Variants in DDX6 observed in about 807,000 individuals in gnomAD.
The protein encoded by DDX6 is DEAD-box helicase 6, also known as probable ATP-dependent RNA helicase DDX6.
A neutral mutation model predicts 60.6 loss-of-function variants in DDX6; 7 were observed. That is an observed-to-expected ratio of 0.12 (90% CI 0.07 to 0.22). The LOEUF (loss-of-function observed/expected upper bound fraction) is 0.22, where lower values mean the gene tolerates loss of function less well. Among genes scored for constraint, DDX6 ranks in the 10% least tolerant of loss-of-function variants. The pLI is 1.00. For synonymous variants in DDX6, 207 were observed against 201.0 expected, an observed-to-expected ratio of 1.03 and a Z score of -0.25; for missense variants, 270 against 589.9, an observed-to-expected ratio of 0.46 and a Z score of 5.62.
chr11:118,754,968 CCA>C, intron 12 of DDX6, 81 bp from the exon 13 acceptor site: 3 of 1,217,320 alleles, frequency 2.5e-6, no homozygotes, highest in Non-Finnish European at 3.4e-6. Context: ...AGTGGCAAAA[CCA>C]CACAGGATTG....
At chr11:118,784,522 G>A (rs148460605) in intron 2 of DDX6, among the ~76,000 whole-genome samples, 1 of 149,858 alleles carries the variant, frequency 6.7e-6, no homozygotes, top group Non-Finnish European at 1.5e-5. Flanking sequence ...GCAGTGACAC[G>A]ATCTTGGCTC....
intron 2 of DDX6, among the ~76,000 whole-genome samples, chr11:118,783,809 T>A (rs1209647150): frequency 2.2e-4 from 1 of 4,488 alleles, no homozygotes; most frequent in Non-Finnish European, 5.8e-4. Context: ...AGAGTCCATC[T>A]CAAAAAAAAA....
Position 118,750,156 on chromosome 11 carries a change from AATATG to A in DDX6, c.*1944_*1948del, listed in dbSNP as rs1297638480. ...AATATTTTAGGGTTTTGAAAAATAA[AATATG>A]GAAATCAATTTTTTTTAATTTTGTT... On this transcript the variant is annotated 3_prime_UTR_variant, in exon 14 of 14. Coordinates refer to ENST00000534980, the MANE Select transcript of DDX6 (RefSeq NM_004397.6). 2 of 147,786 alleles carry A rather than the reference AATATG, an allele frequency of 1.4e-5. No individual in the cohort carries two copies. The highest frequency in any genetic ancestry group is 5.0e-5 in the African/African-American group (2 of 40,196). The allele number at this position is 147,786 out of a possible 1,614,324, so 9.2% of individuals were successfully genotyped here. A position where few individuals can be genotyped will look rare whatever the true frequency, so the allele number is the denominator to read the frequency against.
intron 2 of DDX6, among the ~76,000 whole-genome samples, chr11:118,784,156 G>A (rs531066653): frequency 2.3e-4 from 35 of 151,068 alleles, no homozygotes; most frequent in African/African-American, 8.5e-4. Flanking sequence ...CTTACATTCT[G>A]CCAAGACAAA....
At chr11:118,789,365 A>AGC (rs1423133170) in intron 1 of DDX6, 3 of 152,260 alleles carry the variant, frequency 2.0e-5, no homozygotes, top group Non-Finnish European at 2.9e-5. Context: ...GGTGTGAGCC[A>AGC]CCGCTCCCAG....
intron 7 of DDX6, among the ~76,000 whole-genome samples, chr11:118,760,823 C>CAAA (rs544626778): frequency 5.3e-5 from 3 of 56,508 alleles, no homozygotes; most frequent in Non-Finnish European, 6.6e-5. Flanking sequence ...TACTCCGTCT[C>CAAA]AAAAAAAAAA....
At chr11:118,784,319 A>G (rs887000767) in intron 2 of DDX6, among the ~76,000 whole-genome samples, 31 of 152,146 alleles carry the variant, frequency 2.0e-4, no homozygotes, top group Admixed American at 1.2e-3. Flanking sequence ...CGGTAACTAT[A>G]TGACAGTCTG....
intron 13 of DDX6, among the ~76,000 whole-genome samples, chr11:118,752,958 C>G (rs1860828524): frequency 6.6e-6 from 1 of 151,988 alleles, no homozygotes; most frequent in African/African-American, 2.4e-5. Flanking sequence ...GACAGGTTGT[C>G]CAGGAAATCA....
At chr11:118,776,709 T>G (rs1374342488) in intron 4 of DDX6, among the ~76,000 whole-genome samples, 1 of 151,872 alleles carries the variant, frequency 6.6e-6, no homozygotes, top group Non-Finnish European at 1.5e-5. Context: ...GGTGCACGCC[T>G]GTAGTCCCCG....
At chr11:118,757,068 G>C (rs782195996) in intron 10 of DDX6, 103 bp downstream of exon 10, 7 of 609,302 alleles carry the variant, frequency 1.1e-5, no homozygotes, top group Non-Finnish European at 1.8e-5. Flanking sequence ...TGGCTACTAA[G>C]GAACAGTTTA....
intron 4 of DDX6, among the ~76,000 whole-genome samples, chr11:118,769,806 G>A (rs1439029008): frequency 1.3e-5 from 2 of 151,988 alleles, no homozygotes; most frequent in East Asian, 1.9e-4. Context: ...CCGGGTTCAC[G>A]CCATTCTCCT....
At chr11:118,771,140 C>A (rs1182381743) in intron 4 of DDX6, among the ~76,000 whole-genome samples, 3 of 152,186 alleles carry the variant, frequency 2.0e-5, no homozygotes, top group Non-Finnish European at 2.9e-5. Context: ...TAGTTTTTAA[C>A]AGGCTGCCTG....
chr11:118,763,838 TA>T (rs58341763), intron 6 of DDX6, among the ~76,000 whole-genome samples: 81,749 of 134,238 alleles, frequency 0.61, 24,794 homozygotes, highest in Admixed American at 0.69. Flanking sequence ...TGTCTCAAAT[TA>T]AAAAAAAAAA....
At position 118,779,531 on chromosome 11, in the gene DDX6, A is replaced by T. The variant is rs1861818204; in HGVS notation, c.369+101T>A. 9.7e-5 allele frequency: 69 copies of T among 712,550 alleles called. 3 individuals are homozygous for T. In the South Asian group the frequency reaches 1.4e-3, roughly 14 times the overall value. 44.1% of individuals were successfully genotyped at this position (712,550 alleles called of 1,614,324 possible). On this transcript the variant is annotated intron_variant, in intron 4 of 13. Transcript: ENST00000534980. ...TTCAGAAAAAGTGTGTATACGTGAGAGAGAAATGTTAGTTCACTGTATCAC... is the reference window on the plus strand; with the variant it reads ...TTCAGAAAAAGTGTGTATACGTGAGTGAGAAATGTTAGTTCACTGTATCAC...
At chr11:118,784,143 C>T (rs1861996910) in intron 2 of DDX6, among the ~76,000 whole-genome samples, 1 of 151,462 alleles carries the variant, frequency 6.6e-6, no homozygotes, top group African/African-American at 2.4e-5. Context: ...TTTTGCTAAC[C>T]TACTTACATT....
In DDX6 at chr11:118,781,154, T is replaced by G. The variant is rs1555164642; in HGVS notation, c.231A>C (p.Lys77Asn). The G allele has an allele frequency of 6.2e-7, 1 of 1,606,028 alleles. No individual in the cohort carries two copies. The highest frequency in any genetic ancestry group is 8.5e-7 in the Non-Finnish European group (1 of 1,175,368). Residue 77 changes from lysine to asparagine, a missense_variant, in exon 3 of 14, where the codon AAA becomes AAC. Lys to Asn is a moderately conservative substitution (Grantham distance 94). Around this residue, in one of 8 missense-constraint regions of DDX6, gnomAD observed 102 missense variants for 110.5 expected, o/e 0.92. Coordinates refer to ENST00000534980, the MANE Select transcript of DDX6 (RefSeq NM_004397.6). ...KPGDDWKKTLKLPPKDLRIKT... is the reference protein window; with the variant it reads ...KPGDDWKKTLNLPPKDLRIKT... Reference sequence around the variant, plus strand: ...TGATTCTTAGATCCTTTGGAGGGAGTTTTAAAGTCTTTTTCCAGTCATCAC... The same window carrying G: ...TGATTCTTAGATCCTTTGGAGGGAGGTTTAAAGTCTTTTTCCAGTCATCAC...
chr11:118,748,554 G>GA lies in DDX6; in HGVS notation c.*3550dup, dbSNP rs1219979651. 2 of 151,814 alleles carry GA rather than the reference G, an allele frequency of 1.3e-5. No individual in the cohort carries two copies. The highest frequency in any genetic ancestry group is 4.8e-5 in the African/African-American group (2 of 41,336). 9.4% of individuals were successfully genotyped at this position (151,814 alleles called of 1,614,324 possible). On this transcript the variant is annotated 3_prime_UTR_variant, in exon 14 of 14. Transcript: ENST00000534980. The stretch of plus-strand genomic sequence containing the variant: ...CAAATTTAAAGATACCTAGAACATT[G>GA]AAAAAAATAGCAAATTAAAATAAAT...
intron 4 of DDX6, among the ~76,000 whole-genome samples, chr11:118,776,775 G>A (rs557385679): frequency 6.8e-4 from 103 of 151,480 alleles, no homozygotes; most frequent in African/African-American, 2.1e-3. Flanking sequence ...GGAGATTGCA[G>A]TGAGTGGACA....
chr11:118,759,673 T>C (rs1861101044), intron 8 of DDX6, among the ~76,000 whole-genome samples: 1 of 152,200 alleles, frequency 6.6e-6, no homozygotes, highest in Non-Finnish European at 1.5e-5. Context: ...CTAGCACCAA[T>C]GGCTATGTCA....
Sources: gnomAD v4.1 joint callset for allele counts (sites outside exome capture counted in the v4.1 genomes callset) on GRCh38, gnomAD v4.1.1 for gene constraint, gnomAD v4.1.1 regional missense constraint, MANE v1.5 for transcripts, NCBI Gene and HGNC (gene_info 2026-07-23, HGNC 2026-07-21) for gene names.